The following ADAMTSL1 variants were observed in gnomAD, a reference collection of about 807,000 sequenced individuals.
ADAMTSL1 encodes ADAMTS like 1, also known as ADAMTS-like protein 1.
In ADAMTSL1, 126 loss-of-function variants were observed where a neutral mutation model predicts 201.8. The observed-to-expected ratio is 0.62, with a 90% CI of 0.54 to 0.72. The LOEUF is 0.72. Ranked by LOEUF, ADAMTSL1 falls within the 30% of genes least tolerant of loss-of-function variation. The probability of loss-of-function intolerance (pLI) is 0.00; values close to 1 mark genes in which losing one functional copy is unlikely to be tolerated. For synonymous variants in ADAMTSL1, 1,121 were observed against 903.4 expected (o/e 1.24, Z -4.32); for missense variants, 2,679 against 2,277.8 (o/e 1.18, Z -3.59).
intron 2 of ADAMTSL1, among the ~76,000 whole-genome samples, chr9:18,435,446 A>G (rs904335323): frequency 3.9e-5 from 6 of 152,306 alleles, no homozygotes; most frequent in African/African-American, 1.4e-4. Context: ...TACTCACACA[A>G]ATATGTAACT....
chr9:18,708,231 T>G (rs925722943), intron 14 of ADAMTSL1, among the ~76,000 whole-genome samples: 2 of 152,240 alleles, frequency 1.3e-5, no homozygotes, highest in African/African-American at 4.8e-5. Flanking sequence ...ACTGTTCACA[T>G]GTAGTTGAAA....
chr9:18,729,638 C>A (rs892519032), intron 15 of ADAMTSL1, among the ~76,000 whole-genome samples: 2 of 152,184 alleles, frequency 1.3e-5, no homozygotes, highest in African/African-American at 4.8e-5. Context: ...CTCCACTGAA[C>A]AAATGTCTAT....
chr9:17,992,229 G>A (rs1277278098), intron 1 of ADAMTSL1, among the ~76,000 whole-genome samples: 1 of 152,064 alleles, frequency 6.6e-6, no homozygotes, highest in Non-Finnish European at 1.5e-5. Flanking sequence ...GTAGGGCAGA[G>A]GTCAAGCTAG....
chr9:18,642,994 T>C (rs886948061), intron 7 of ADAMTSL1, among the ~76,000 whole-genome samples: 1 of 152,032 alleles, frequency 6.6e-6, no homozygotes, highest in Non-Finnish European at 1.5e-5. Flanking sequence ...CAAATTTTTT[T>C]AGAAATGTTT....
chr9:18,496,761 G>C (rs1047800680), intron 1 of ADAMTSL1, among the ~76,000 whole-genome samples: 27 of 152,190 alleles, frequency 1.8e-4, no homozygotes, highest in African/African-American at 6.3e-4. Flanking sequence ...GTGCTTTCCA[G>C]AGCCTCAGAT....
chr9:18,160,131 T>G (rs1216070454), intron 1 of ADAMTSL1, among the ~76,000 whole-genome samples: 2 of 152,014 alleles, frequency 1.3e-5, no homozygotes, highest in Non-Finnish European at 2.9e-5. Context: ...AAGCTGGTGT[T>G]TCTGTATTCC....
intron 1 of ADAMTSL1, among the ~76,000 whole-genome samples, chr9:18,095,627 T>G (rs1298452229): frequency 6.6e-6 from 1 of 152,144 alleles, no homozygotes; most frequent in East Asian, 1.9e-4. Context: ...TTTCGCCATG[T>G]TGGCCAGGCT....
At chr9:18,886,253 TAC>T (rs1182355969) in intron 23 of ADAMTSL1, among the ~76,000 whole-genome samples, 1 of 140,492 alleles carries the variant, frequency 7.1e-6, no homozygotes, top group Non-Finnish European at 1.5e-5. Flanking sequence ...TATACATACA[TAC>T]ACACACACAG....
At position 18,706,951 on chromosome 9, in the gene ADAMTSL1, C is replaced by A; in HGVS notation, c.1779C>A (p.Asp593Glu). 6.2e-7 allele frequency: 1 copy of A among 1,613,952 alleles called. No homozygotes were observed. Among genetic ancestry groups the A allele is most frequent in the African/African-American group, 1.3e-5 (1 of 75,028 alleles). ...CSGEIPEFNP[D>E]ETDGLFGGLQ... ...GGGAAATTCCTGAGTTCAACCCAGA[C>A]GAGACAGATGGGCTCTTTGGTGGCC... The change falls in exon 14 of 29, where the codon GAC (aspartate) becomes GAA (glutamate). Residue 593 changes from aspartate (D) to glutamate (E), a missense_variant. Transcript: ENST00000380548.
chr9:18,033,776 GCCC>G (rs1821076810), intron 1 of ADAMTSL1, among the ~76,000 whole-genome samples: 1 of 152,156 alleles, frequency 6.6e-6, no homozygotes, highest in African/African-American at 2.4e-5. Flanking sequence ...ACTGTTTGCA[GCCC>G]TTGAGTATAC....
At chr9:18,750,481 T>C (rs1819411209) in intron 15 of ADAMTSL1, among the ~76,000 whole-genome samples, 1 of 152,228 alleles carries the variant, frequency 6.6e-6, no homozygotes, top group Admixed American at 6.5e-5. Flanking sequence ...CTTTATATAA[T>C]CTTGTGTGAA....
intron 2 of ADAMTSL1, among the ~76,000 whole-genome samples, chr9:18,357,199 C>T (rs1274591630): frequency 2.0e-5 from 3 of 152,076 alleles, no homozygotes; most frequent in Non-Finnish European, 4.4e-5. Flanking sequence ...TCAGAAACCT[C>T]CTCTGGAGGC....
intron 2 of ADAMTSL1, among the ~76,000 whole-genome samples, chr9:18,422,467 C>G (rs1487435881): frequency 6.8e-6 from 1 of 147,164 alleles, no homozygotes; most frequent in Non-Finnish European, 1.5e-5. Flanking sequence ...GTTTGTCATG[C>G]ATTTTTTTTG....
chr9:18,533,363 T>G (rs957986803), intron 3 of ADAMTSL1, 71 bp downstream of exon 3: 2 of 1,356,156 alleles, frequency 1.5e-6, no homozygotes, highest in Non-Finnish European at 2.0e-6. Flanking sequence ...CAGTTTTATA[T>G]CCTGAGCAGG....
rs1164850003 is a variant in ADAMTSL1, at chr9:17,978,896, A to G, written c.87+71974A>G. 5.9e-5 allele frequency among the ~76,000 whole-genome samples: 9 copies of G among 152,004 alleles called. No individual in the cohort carries two copies. The East Asian group carries it at 1.7e-3, about 29-fold the overall frequency. ...AACTCCTTCAGTTCTTGTTTGTCTG[A>G]GAGAGTCTTTAATTCTCCTTCATTT... is the stretch of plus-strand genomic sequence containing the variant. On this transcript the variant is annotated intron_variant, in intron 1 of 29. Coordinates refer to the ADAMTSL1 transcript ENST00000680146.
chr9:18,757,653 C>T (rs970476771), intron 16 of ADAMTSL1, among the ~76,000 whole-genome samples: 1 of 152,126 alleles, frequency 6.6e-6, no homozygotes, highest in Admixed American at 6.5e-5. Context: ...CCCTCTTCTG[C>T]AGTGACTCTT....
chr9:18,317,729 A>C (rs541941491), intron 2 of ADAMTSL1, among the ~76,000 whole-genome samples: 1 of 152,164 alleles, frequency 6.6e-6, no homozygotes, highest in Admixed American at 6.5e-5. Context: ...TTACACCTCT[A>C]TCCCTGGCCT....
At chr9:18,823,579 A>G (rs1223312030) in intron 21 of ADAMTSL1, among the ~76,000 whole-genome samples, 1 of 151,724 alleles carries the variant, frequency 6.6e-6, no homozygotes, top group Non-Finnish European at 1.5e-5. Flanking sequence ...TCTCACTCTC[A>G]TTTTCTCTCC....
At chr9:18,640,615 G>A (rs146297807) in intron 7 of ADAMTSL1, among the ~76,000 whole-genome samples, 12 of 152,070 alleles carry the variant, frequency 7.9e-5, no homozygotes, top group Non-Finnish European at 1.2e-4. Flanking sequence ...CCCGACATGC[G>A]TAAGTTTAAC....
Sources: allele counts gnomAD v4.1 joint callset (sites outside exome capture counted in the v4.1 genomes callset), GRCh38; gene constraint gnomAD v4.1.1; transcripts MANE v1.5; gene names NCBI Gene and HGNC (gene_info 2026-07-23, HGNC 2026-07-21).